POC1A: variants seen among roughly 807,000 people sequenced by gnomAD.
The protein encoded by POC1A is POC1 centriolar protein A.
POC1A carries 34 observed loss-of-function variants against 47.8 expected under a neutral mutation model. The ratio of observed to expected loss-of-function variants is 0.71; its 90% CI spans 0.54 to 0.95. The LOEUF (loss-of-function observed/expected upper bound fraction) is 0.95. Ranked by LOEUF, POC1A falls within the 40% of genes least tolerant of loss-of-function variation. The pLI is 0.00. For missense variants in POC1A, 466 were observed against 528.3 expected (o/e 0.88, Z 1.16); for synonymous variants, 177 against 207.6 (o/e 0.85, Z 1.27).
At chr3:52,135,871 T>C (rs1343910333) in intron 7 of POC1A, among the ~76,000 whole-genome samples, 1 of 152,116 alleles carries the variant, frequency 6.6e-6, no homozygotes, top group Non-Finnish European at 1.5e-5. Flanking sequence ...TCAGGCCAGG[T>C]TTGTCCACAT....
chr3:52,110,993 C>T (rs1475500900), intron 9 of POC1A, among the ~76,000 whole-genome samples: 6 of 152,208 alleles, frequency 3.9e-5, no homozygotes, highest in African/African-American at 9.7e-5. Context: ...TACTGATGCA[C>T]GCAGAGCTGG....
rs763967577 is a variant in POC1A, at chr3:52,090,595, C to T, written c.1125+5974G>A. On this transcript the variant is annotated intron_variant, in intron 10 of 10. Coordinates refer to ENST00000296484, the MANE Select transcript of POC1A (RefSeq NM_015426.5). The surrounding 1 kb of genome is among the most constrained non-coding windows in gnomAD (Gnocchi z 4.2). ...TCCATGAAGGAAGCCACAGAGCCAGCGTGGAGGTGAGCTCATGTAGCAGTG... is the reference window on the plus strand; with the variant it reads ...TCCATGAAGGAAGCCACAGAGCCAGTGTGGAGGTGAGCTCATGTAGCAGTG... Among the ~76,000 whole-genome samples the T allele has an allele frequency of 1.3e-5, 2 of 152,176 alleles. No individual in the cohort carries two copies. The highest frequency in any genetic ancestry group is 2.9e-5 in the Non-Finnish European group (2 of 68,020).
intron 9 of POC1A, among the ~76,000 whole-genome samples, chr3:52,114,442 A>G (rs1184530387): frequency 1.3e-5 from 2 of 152,232 alleles, no homozygotes; most frequent in Non-Finnish European, 2.9e-5. Flanking sequence ...GAGACCCTGA[A>G]GCAGCACTGA....
intron 10 of POC1A, among the ~76,000 whole-genome samples, chr3:52,076,550 C>A (rs1384005941): frequency 6.6e-6 from 1 of 152,212 alleles, no homozygotes; most frequent in Non-Finnish European, 1.5e-5. Context: ...CTCTGCCTGT[C>A]CAAGTCCAAC....
chr3:52,114,839 C>A (rs1384211749), intron 9 of POC1A, among the ~76,000 whole-genome samples: 1 of 152,234 alleles, frequency 6.6e-6, no homozygotes, highest in Non-Finnish European at 1.5e-5. Context: ...AATAGCCACA[C>A]GAGGTGGAAT....
intron 6 of POC1A, among the ~76,000 whole-genome samples, chr3:52,143,184 A>G (rs543680965): frequency 6.6e-6 from 1 of 152,118 alleles, no homozygotes; most frequent in South Asian, 2.1e-4. Flanking sequence ...CATAAGAGGC[A>G]AGGCCAGAAG....
At chr3:52,080,706 G>A (rs1455609127) in intron 10 of POC1A, among the ~76,000 whole-genome samples, 1 of 152,232 alleles carries the variant, frequency 6.6e-6, no homozygotes, top group Non-Finnish European at 1.5e-5. Context: ...TCACTTCACT[G>A]TCAACGCTTC....
intron 6 of POC1A, among the ~76,000 whole-genome samples, chr3:52,142,023 G>A (rs1259846814): frequency 6.6e-6 from 1 of 152,182 alleles, no homozygotes; most frequent in East Asian, 1.9e-4. Context: ...CGAAGTGCAA[G>A]GAACCGAGCG....
chr3:52,081,443 C>T (rs191825705), intron 10 of POC1A, among the ~76,000 whole-genome samples: 1 of 152,190 alleles, frequency 6.6e-6, no homozygotes, highest in African/African-American at 2.4e-5. Flanking sequence ...ACAGGGTGCA[C>T]CACAGTTCAA....
Position 52,149,313 on chromosome 3 carries a change from A to C in POC1A, c.352T>G (p.Phe118Val), listed in dbSNP as rs1698474657. Residue 118 changes from phenylalanine to valine, a missense_variant, in exon 4 of 11, where the codon TTC becomes GTC. Phe to Val is a conservative substitution (Grantham distance 50). Coordinates refer to ENST00000296484, the MANE Select transcript of POC1A (RefSeq NM_015426.5). ...SVHFCSDGQS[F>V]VTASDDKTVK... ...GTCTTGTCGTCAGAGGCTGTCACGA[A>C]GGACTGGCCATCACTGCAGAAGTGG... is the stretch of plus-strand genomic sequence containing the variant. 6.2e-7 allele frequency: 1 copy of C among 1,614,096 alleles called. No individual in the cohort carries two copies. Among genetic ancestry groups the C allele is most frequent in the African/African-American group, 1.3e-5 (1 of 74,940 alleles).
At chr3:52,140,461 G>C (rs1168703255) in intron 6 of POC1A, among the ~76,000 whole-genome samples, 1 of 152,156 alleles carries the variant, frequency 6.6e-6, no homozygotes, top group Admixed American at 6.5e-5. Context: ...GTGCAGAAGG[G>C]AGGGCATGCT....
At chr3:52,149,028 C>T (rs191732151) in intron 4 of POC1A, among the ~76,000 whole-genome samples, 182 bp downstream of exon 4, 7 of 152,266 alleles carry the variant, frequency 4.6e-5, no homozygotes, top group Non-Finnish European at 8.8e-5. Context: ...TGAAGCTTCT[C>T]GACAACTTAC....
chr3:52,146,296 G>A (rs920256433), intron 5 of POC1A, among the ~76,000 whole-genome samples: 1 of 152,246 alleles, frequency 6.6e-6, no homozygotes, highest in Non-Finnish European at 1.5e-5. Flanking sequence ...CCCTTCCCAG[G>A]GGTGGCTGCA....
chr3:52,137,747 C>T (rs1198752476), intron 7 of POC1A, among the ~76,000 whole-genome samples: 2 of 152,202 alleles, frequency 1.3e-5, no homozygotes, highest in Non-Finnish European at 2.9e-5. Context: ...CCTTCTTTGT[C>T]CCAGCCTCTG....
At chr3:52,122,538 T>A (rs1703821256) in intron 8 of POC1A, 61 bp from the exon 9 acceptor site, 2 of 1,052,384 alleles carry the variant, frequency 1.9e-6, no homozygotes, top group East Asian at 4.7e-5. Flanking sequence ...AGTCCTTCAC[T>A]GAGGAAATGG....
At chr3:52,103,723 G>C (rs193179731) in intron 9 of POC1A, among the ~76,000 whole-genome samples, 173 of 152,030 alleles carry the variant, frequency 1.1e-3, no homozygotes, top group South Asian at 2.1e-3. Flanking sequence ...TGAAAGAGCA[G>C]AAATGTTAAA....
At chr3:52,137,490 C>A (rs949770420) in intron 7 of POC1A, among the ~76,000 whole-genome samples, 85 of 152,252 alleles carry the variant, frequency 5.6e-4, no homozygotes, top group African/African-American at 1.9e-3. Flanking sequence ...GACATTCTGA[C>A]GACCGCTCTG....
At chr3:52,137,646 C>T (rs1704525406) in intron 7 of POC1A, among the ~76,000 whole-genome samples, 1 of 152,170 alleles carries the variant, frequency 6.6e-6, no homozygotes, top group African/African-American at 2.4e-5. Flanking sequence ...GACCAGGGAA[C>T]CGGCTGCTTT....
At chr3:52,114,840 G>A (rs533200671) in intron 9 of POC1A, among the ~76,000 whole-genome samples, 2 of 152,336 alleles carry the variant, frequency 1.3e-5, no homozygotes, top group East Asian at 3.9e-4. Flanking sequence ...ATAGCCACAC[G>A]AGGTGGAATG....
Sources: allele counts gnomAD v4.1 joint callset (sites outside exome capture counted in the v4.1 genomes callset), GRCh38; gene constraint gnomAD v4.1.1; non-coding constraint Gnocchi (gnomAD v3.1); transcripts MANE v1.5; gene names NCBI Gene and HGNC (gene_info 2026-07-23, HGNC 2026-07-21).